The following THSD7B variants were observed in gnomAD, a reference collection of about 807,000 sequenced individuals.
THSD7B encodes thrombospondin type 1 domain containing 7B, also known as thrombospondin type-1 domain-containing protein 7B.
A neutral mutation model predicts 213.6 loss-of-function variants in THSD7B; 138 were observed. The observed-to-expected ratio is 0.65, with a 90% CI of 0.56 to 0.74. The LOEUF is 0.74. THSD7B is among the 30% of genes least tolerant of loss of function. The pLI, the probability that THSD7B is intolerant of heterozygous loss-of-function variation, is 0.00. For missense variants in THSD7B, 1,931 were observed against 1,991.5 expected, an observed-to-expected ratio of 0.97 and a Z score of 0.58; for synonymous variants, 742 against 687.0, an observed-to-expected ratio of 1.08 and a Z score of -1.25.
chr2:137,058,170 G>T (rs375579854), intron 3 of THSD7B, among the ~76,000 whole-genome samples: 3 of 150,912 alleles, frequency 2.0e-5, no homozygotes, highest in African/African-American at 7.3e-5. Context: ...TGTGATGATT[G>T]TTTTTTTTTC....
At chr2:137,654,973 T>C (rs1267333646) in intron 21 of THSD7B, among the ~76,000 whole-genome samples, 2 of 152,156 alleles carry the variant, frequency 1.3e-5, no homozygotes, top group African/African-American at 4.8e-5. Flanking sequence ...GTGAGATGGG[T>C]ATGACATGTC....
At chr2:137,473,516 AC>A (rs1688133584) in intron 15 of THSD7B, among the ~76,000 whole-genome samples, 2 of 152,188 alleles carry the variant, frequency 1.3e-5, no homozygotes, top group African/African-American at 4.8e-5. Flanking sequence ...ATCAGCTAGT[AC>A]TGCTTGCAAC....
At chr2:136,864,673 C>T (rs1346492097) in intron 1 of THSD7B, among the ~76,000 whole-genome samples, 3 of 152,142 alleles carry the variant, frequency 2.0e-5, no homozygotes, top group Non-Finnish European at 2.9e-5. Context: ...CTGCTTCAGC[C>T]CCCCGAGTAG....
At chr2:137,665,777 G>T (rs1683434533) in intron 26 of THSD7B, among the ~76,000 whole-genome samples, 1 of 152,062 alleles carries the variant, frequency 6.6e-6, no homozygotes, top group Admixed American at 6.6e-5. Context: ...ACCAAAATAT[G>T]ATATAACTGT....
chr2:137,178,510 G>A (rs1324762754), intron 7 of THSD7B, among the ~76,000 whole-genome samples: 3 of 152,144 alleles, frequency 2.0e-5, no homozygotes, highest in Non-Finnish European at 4.4e-5. Flanking sequence ...AGACTGCAAG[G>A]GAGATTAAAT....
intron 7 of THSD7B, among the ~76,000 whole-genome samples, chr2:137,197,040 A>G (rs1302845296): frequency 6.6e-6 from 1 of 152,178 alleles, no homozygotes; most frequent in Non-Finnish European, 1.5e-5. Context: ...GGAAATATCT[A>G]ATGTAATCAT....
intron 2 of THSD7B, among the ~76,000 whole-genome samples, chr2:136,898,646 C>CT (rs34410826): frequency 0.08 from 9,706 of 121,058 alleles, 477 homozygotes; most frequent in Middle Eastern, 0.18. Context: ...GGAACTGAGA[C>CT]TTTTTTTTTT....
chr2:137,362,206 C>T (rs889973152), intron 12 of THSD7B, among the ~76,000 whole-genome samples: 7 of 152,136 alleles, frequency 4.6e-5, no homozygotes, highest in Non-Finnish European at 8.8e-5. Flanking sequence ...CACCACCAGG[C>T]CTGCCTTACG....
At chr2:137,104,806 A>G (rs1222461499) in intron 4 of THSD7B, among the ~76,000 whole-genome samples, 1 of 152,206 alleles carries the variant, frequency 6.6e-6, no homozygotes, top group Admixed American at 6.5e-5. Flanking sequence ...TAAAAAATCT[A>G]CAAGAAATGG....
intron 14 of THSD7B, among the ~76,000 whole-genome samples, chr2:137,427,457 T>G (rs1002833633): frequency 3.3e-5 from 5 of 152,018 alleles, no homozygotes; most frequent in Admixed American, 3.3e-4. Context: ...GTGTGGGGTA[T>G]GTGCTTGTGT....
chr2:137,187,449 G>A (rs1215012192), intron 7 of THSD7B, among the ~76,000 whole-genome samples: 1 of 152,204 alleles, frequency 6.6e-6, no homozygotes, highest in Non-Finnish European at 1.5e-5. Flanking sequence ...GAAGTGTTTT[G>A]AATTCTCAGT....
At chr2:137,612,168 A>G (rs1309537825) in intron 17 of THSD7B, among the ~76,000 whole-genome samples, 1 of 152,348 alleles carries the variant, frequency 6.6e-6, no homozygotes, top group African/African-American at 2.4e-5. Flanking sequence ...CACCATGTAC[A>G]GTGTACTAGT....
rs1311285220 is a variant in THSD7B, at chr2:137,270,308, G to A, written c.2267-2225G>A. Among the ~76,000 whole-genome samples, 3 of 152,060 alleles carry A rather than the reference G, an allele frequency of 2.0e-5. No homozygotes were observed. The East Asian group carries it at 5.8e-4, about 29-fold the overall frequency. On this transcript the variant is annotated intron_variant, in intron 10 of 27. Transcript: ENST00000409968. The stretch of plus-strand genomic sequence containing the variant: ...AATAAGCCGGGGGGCTACTGATGCA[G>A]CCCATCTCTGGGTATAAAGCAGGTT...
At chr2:137,002,870 T>C (rs1049730519) in intron 2 of THSD7B, among the ~76,000 whole-genome samples, 1 of 152,224 alleles carries the variant, frequency 6.6e-6, no homozygotes, top group African/African-American at 2.4e-5. Context: ...ATACTTCTTA[T>C]ACCAAGTAGA....
intron 1 of THSD7B, among the ~76,000 whole-genome samples, chr2:136,879,806 G>A (rs1683589162): frequency 6.6e-6 from 1 of 152,010 alleles, no homozygotes; most frequent in Non-Finnish European, 1.5e-5. Flanking sequence ...AAAAGTCAGG[G>A]GTTGCAATCC....
chr2:136,978,865 G>T (rs892652134), intron 2 of THSD7B, among the ~76,000 whole-genome samples: 3 of 151,186 alleles, frequency 2.0e-5, no homozygotes, highest in African/African-American at 7.3e-5. Context: ...TGTTAATGTA[G>T]CTGCTTTATA....
At chr2:137,481,659 C>A (rs1688307788) in intron 15 of THSD7B, among the ~76,000 whole-genome samples, 1 of 152,182 alleles carries the variant, frequency 6.6e-6, no homozygotes. Flanking sequence ...TGAATGTGTT[C>A]TAATAAACCT....
At chr2:137,561,477 A>C (rs115711401) in intron 15 of THSD7B, among the ~76,000 whole-genome samples, 291 of 152,322 alleles carry the variant, frequency 1.9e-3, no homozygotes, top group African/African-American at 6.6e-3. Context: ...CCCTGTTTGT[A>C]CAAAGCACTT....
At chr2:136,921,931 G>T (rs765336) in intron 2 of THSD7B, among the ~76,000 whole-genome samples, 24,305 of 152,164 alleles carry the variant, frequency 0.16, 2,429 homozygotes, top group East Asian at 0.44. Flanking sequence ...GGTTGGAGAA[G>T]ATAGAGCCTG....
Sources: gnomAD v4.1 joint callset for allele counts (sites outside exome capture counted in the v4.1 genomes callset) on GRCh38, gnomAD v4.1.1 for gene constraint, MANE v1.5 for transcripts, NCBI Gene and HGNC (gene_info 2026-07-23, HGNC 2026-07-21) for gene names.